PCCA: variants seen among roughly 807,000 people sequenced by gnomAD.
The protein encoded by PCCA is propionyl-CoA carboxylase subunit alpha, also known as propionyl-CoA carboxylase alpha chain, mitochondrial.
Under a neutral mutation model 101.3 loss-of-function variants are expected in PCCA, and 74 were observed. That is an observed-to-expected ratio of 0.73 (90% CI 0.61 to 0.89). The LOEUF (loss-of-function observed/expected upper bound fraction) is 0.89. Among genes scored for constraint, PCCA ranks in the 40% least tolerant of loss-of-function variants. The pLI is 0.00. For synonymous variants in PCCA, 294 were observed against 313.6 expected (o/e 0.94, Z 0.66); for missense variants, 891 against 907.0 (o/e 0.98, Z 0.23).
chr13:100,163,747 G>A (rs2054735073), intron 6 of PCCA, among the ~76,000 whole-genome samples: 1 of 152,132 alleles, frequency 6.6e-6, no homozygotes, highest in Admixed American at 6.5e-5. Flanking sequence ...AATGATCAAG[G>A]TGGTTGGATT....
chr13:100,453,348 A>G (rs1452291084), intron 21 of PCCA, among the ~76,000 whole-genome samples: 1 of 152,046 alleles, frequency 6.6e-6, no homozygotes, highest in East Asian at 1.9e-4. Flanking sequence ...TAAAAATACA[A>G]AAATTAGCCA....
chr13:100,286,351 G>A lies in PCCA; in HGVS notation c.1065+13005G>A, dbSNP rs1199454780. ...CCTCACGCACGTGGCCCCTGCTGCT[G>A]TGTTGTTCCCCTGTTGGCTAGGGTT... On this transcript the variant is annotated intron_variant, in intron 12 of 23. Transcript: ENST00000376285. 2.0e-5 allele frequency among the ~76,000 whole-genome samples: 3 copies of A among 152,216 alleles called. No homozygotes were observed. In the East Asian group the frequency reaches 5.8e-4, roughly 29 times the overall value.
chr13:100,128,416 G>C (rs2050169199), intron 4 of PCCA, among the ~76,000 whole-genome samples: 1 of 152,178 alleles, frequency 6.6e-6, no homozygotes, highest in African/African-American at 2.4e-5. Flanking sequence ...CTGCTTTAGA[G>C]ATGGGTATAG....
intron 21 of PCCA, chr13:100,477,198 C>G (rs573443131): frequency 6.6e-6 from 1 of 152,308 alleles, no homozygotes; most frequent in South Asian, 2.1e-4. Flanking sequence ...TACCATCTAC[C>G]TCATTGGCGA....
intron 6 of PCCA, among the ~76,000 whole-genome samples, chr13:100,164,242 A>G (rs6491548): frequency 0.8 from 121,090 of 152,156 alleles, 48,401 homozygotes; most frequent in East Asian, 0.99. Context: ...TCTTCAGTAT[A>G]TCCAAGGAAC....
intron 12 of PCCA, among the ~76,000 whole-genome samples, chr13:100,274,060 C>A (rs565512967): frequency 1.3e-5 from 2 of 152,120 alleles, no homozygotes; most frequent in Non-Finnish European, 2.9e-5. Flanking sequence ...TACAAAACAG[C>A]CAGCTCTTTT....
At chr13:100,242,020 A>G (rs774697472) in intron 8 of PCCA, among the ~76,000 whole-genome samples, 5 of 152,280 alleles carry the variant, frequency 3.3e-5, no homozygotes, top group East Asian at 1.9e-4. Flanking sequence ...AAGGGTTTCA[A>G]TCTCTTCATA....
At chr13:100,133,847 G>A (rs887470213) in intron 4 of PCCA, among the ~76,000 whole-genome samples, 1 of 152,176 alleles carries the variant, frequency 6.6e-6, no homozygotes, top group South Asian at 2.1e-4. Context: ...GAGTGTGGAA[G>A]GACTTGACTT....
chr13:100,502,966 G>A (rs1329710898), intron 21 of PCCA, among the ~76,000 whole-genome samples: 2 of 152,196 alleles, frequency 1.3e-5, no homozygotes, highest in Non-Finnish European at 2.9e-5. Flanking sequence ...CGCAGACCTA[G>A]GGCGTTAAAG....
intron 20 of PCCA, among the ~76,000 whole-genome samples, chr13:100,429,317 A>G (rs2079379117): frequency 6.6e-6 from 1 of 151,914 alleles, no homozygotes; most frequent in Admixed American, 6.6e-5. Flanking sequence ...AAATGCAATT[A>G]TAAGTGTTTG....
intron 7 of PCCA, among the ~76,000 whole-genome samples, chr13:100,221,306 G>A (rs558412250): frequency 1.3e-5 from 2 of 152,320 alleles, no homozygotes; most frequent in Non-Finnish European, 2.9e-5. Flanking sequence ...TCTCACCATT[G>A]TGGTTGGGGA....
intron 17 of PCCA, among the ~76,000 whole-genome samples, chr13:100,339,558 G>C (rs1166938783): frequency 2.0e-5 from 3 of 152,194 alleles, no homozygotes; most frequent in African/African-American, 7.2e-5. Context: ...CCAGGCCTTT[G>C]CGGCCAGCCG....
intron 6 of PCCA, chr13:100,161,655 T>C (rs1324772010): frequency 7.5e-6 from 1 of 133,590 alleles, no homozygotes; most frequent in African/African-American, 2.8e-5. Flanking sequence ...CATTCATATT[T>C]GGACTTTTTT....
chr13:100,370,142 G>A (rs957939118), intron 19 of PCCA, among the ~76,000 whole-genome samples: 1 of 140,380 alleles, frequency 7.1e-6, no homozygotes, highest in African/African-American at 2.7e-5. Context: ...GGAGTGCAGT[G>A]GCATGATCTC....
chr13:100,489,120 A>G (rs2084670112), intron 21 of PCCA, among the ~76,000 whole-genome samples: 2 of 151,876 alleles, frequency 1.3e-5, no homozygotes, highest in South Asian at 4.2e-4. Context: ...CCTGGCTAAC[A>G]TGGTGAAACC....
chr13:100,133,648 C>G (rs1314776498), intron 4 of PCCA, among the ~76,000 whole-genome samples: 1 of 151,938 alleles, frequency 6.6e-6, no homozygotes, highest in African/African-American at 2.4e-5. Context: ...TAGTATTTCT[C>G]TATTGTGATG....
At chr13:100,347,709 T>C (rs1195775643) in intron 18 of PCCA, among the ~76,000 whole-genome samples, 2 of 152,234 alleles carry the variant, frequency 1.3e-5, no homozygotes, top group African/African-American at 4.8e-5. Context: ...TAACTCATTA[T>C]CTTTTAGAAG....
At chr13:100,445,548 G>A (rs1434070680) in intron 20 of PCCA, among the ~76,000 whole-genome samples, 1 of 152,004 alleles carries the variant, frequency 6.6e-6, no homozygotes, top group East Asian at 1.9e-4. Flanking sequence ...CTTTATAACT[G>A]AAATTTTGTG....
At chr13:100,453,433 T>TGGAG (rs1013755377) in intron 21 of PCCA, among the ~76,000 whole-genome samples, 1 of 150,496 alleles carries the variant, frequency 6.6e-6, no homozygotes, top group Non-Finnish European at 1.5e-5. Context: ...ACCTTGGAGG[T>TGGAG]GGAGGTTGTA....
Sources: allele counts gnomAD v4.1 joint callset (sites outside exome capture counted in the v4.1 genomes callset), GRCh38; gene constraint gnomAD v4.1.1; transcripts MANE v1.5; gene names NCBI Gene and HGNC (gene_info 2026-07-23, HGNC 2026-07-21).